GSE1: variants seen among roughly 807,000 people sequenced by gnomAD.
GSE1 encodes the protein genetic suppressor element 1.
In GSE1, 32 loss-of-function variants were observed where a neutral mutation model predicts 112.6. The observed-to-expected ratio is 0.28, with a 90% CI of 0.21 to 0.38. GSE1 has a LOEUF of 0.38. Among genes scored for constraint, GSE1 ranks in the 10% least tolerant of loss-of-function variants. The pLI is 1.00. For missense variants in GSE1, 2,348 were observed against 1,699.2 expected (o/e 1.38, Z -6.71); for synonymous variants, 1,115 against 735.6 (o/e 1.52, Z -8.35).
intron 8 of GSE1, chr16:85,659,474 T>C (rs1273799371): frequency 6.6e-6 from 1 of 152,270 alleles, no homozygotes; most frequent in Non-Finnish European, 1.5e-5. Flanking sequence ...TAGTGTACTA[T>C]ACCCACTAGG....
At chr16:85,382,233 C>G (rs913533025) in intron 2 of GSE1, among the ~76,000 whole-genome samples, 2 of 152,324 alleles carry the variant, frequency 1.3e-5, no homozygotes, top group South Asian at 4.1e-4. Context: ...GATCTCCCGT[C>G]CTGGTCATTC....
intron 2 of GSE1, among the ~76,000 whole-genome samples, chr16:85,392,946 A>G (rs2151649315): frequency 6.6e-6 from 1 of 152,334 alleles, no homozygotes; most frequent in Middle Eastern, 3.4e-3. Context: ...AATGTGGCTG[A>G]GGTTCCTCTC....
rs1018609419 is a variant in GSE1 at position 85,253,233 on chromosome 16, A to AC, written c.2283+81429dup. The stretch of plus-strand genomic sequence containing the variant: ...TGCCTCGCCGCCGGCGACTCACAGC[A>AC]CCCGCCTGGCTTGCTGGGTGCCCCT... On this transcript the variant is annotated intron_variant, in intron 1 of 2. Transcript: ENST00000637419. Among the ~76,000 whole-genome samples the AC allele has an allele frequency of 3.3e-5, 5 of 152,006 alleles. No homozygotes were observed. In the East Asian group the frequency reaches 9.7e-4, roughly 29 times the overall value.
At chr16:85,560,170 T>C (rs1313704422) in intron 1 of GSE1, among the ~76,000 whole-genome samples, 2 of 134,580 alleles carry the variant, frequency 1.5e-5, no homozygotes, top group African/African-American at 2.8e-5. Context: ...GGAGTCTCTC[T>C]CTCTTGCCAG....
chr16:85,246,389 A>ACACC (rs1905764371), intron 1 of GSE1, among the ~76,000 whole-genome samples: 2 of 101,440 alleles, frequency 2.0e-5, no homozygotes, highest in Admixed American at 1.1e-4. Context: ...CTACACACAC[A>ACACC]CCCCACACGC....
chr16:85,217,753 G>A (rs1410218820), intron 1 of GSE1, among the ~76,000 whole-genome samples: 1 of 152,036 alleles, frequency 6.6e-6, no homozygotes, highest in African/African-American at 2.4e-5. Flanking sequence ...CCCTCCTGTT[G>A]CCCACGTCAT....
intron 1 of GSE1, among the ~76,000 whole-genome samples, chr16:85,175,590 T>C (rs1015806228): frequency 1.3e-5 from 2 of 152,226 alleles, no homozygotes; most frequent in South Asian, 4.1e-4. Flanking sequence ...GAAGTGCTGC[T>C]GGCGCGACGC....
intron 2 of GSE1, among the ~76,000 whole-genome samples, chr16:85,448,366 G>C (rs1177730928): frequency 6.6e-6 from 1 of 152,176 alleles, no homozygotes; most frequent in Non-Finnish European, 1.5e-5. Flanking sequence ...TGTGCTCTTT[G>C]AGTGATGACC....
intron 9 of GSE1, 74 bp from the exon 10 acceptor site, chr16:85,662,907 T>C (rs2052548149): frequency 9.6e-7 from 1 of 1,046,120 alleles, no homozygotes; most frequent in Admixed American, 1.7e-5. Context: ...TCTGCACACA[T>C]GAGGCCCTGC....
chr16:85,371,262 G>T (rs954305052), intron 2 of GSE1, among the ~76,000 whole-genome samples: 9 of 152,352 alleles, frequency 5.9e-5, no homozygotes, highest in Middle Eastern at 3.4e-3. Flanking sequence ...GCCCCAAGTG[G>T]AAAGTGCTCC....
At chr16:85,463,111 T>C (rs2050020530) in intron 2 of GSE1, 1 of 985,070 alleles carries the variant, frequency 1.0e-6, no homozygotes, top group South Asian at 4.7e-5. Flanking sequence ...TGGTCGTCTC[T>C]GCTCCAGAAC....
At chr16:85,196,963 G>A (rs1463467022) in intron 1 of GSE1, among the ~76,000 whole-genome samples, 1 of 152,186 alleles carries the variant, frequency 6.6e-6, no homozygotes, top group Non-Finnish European at 1.5e-5. Context: ...GATGAGCACT[G>A]GCCAGGGAGT....
At chr16:85,516,689 C>T (rs1389158840) in intron 2 of GSE1, among the ~76,000 whole-genome samples, 1 of 151,964 alleles carries the variant, frequency 6.6e-6, no homozygotes, top group Admixed American at 6.6e-5. Context: ...TTCTAAGGCC[C>T]CCCTGCCATT....
At chr16:85,466,699 TATAG>T (rs1271746705) in intron 2 of GSE1, among the ~76,000 whole-genome samples, 3 of 121,188 alleles carry the variant, frequency 2.5e-5, no homozygotes, top group African/African-American at 1.3e-4. Flanking sequence ...AATATATATA[TATAG>T]AGAGAGAGAG....
At chr16:85,249,662 C>T (rs1464848654) in intron 1 of GSE1, among the ~76,000 whole-genome samples, 2 of 152,184 alleles carry the variant, frequency 1.3e-5, no homozygotes, top group Non-Finnish European at 2.9e-5. Context: ...TGCTCTGGGG[C>T]AGGCCTGGTC....
At chr16:85,197,079 T>G (rs891448507) in intron 1 of GSE1, among the ~76,000 whole-genome samples, 1 of 152,138 alleles carries the variant, frequency 6.6e-6, no homozygotes, top group African/African-American at 2.4e-5. Context: ...TGTGATTGAT[T>G]TATCGATCAG....
intron 2 of GSE1, among the ~76,000 whole-genome samples, chr16:85,364,824 A>C (rs1033382865): frequency 1.3e-5 from 2 of 152,182 alleles, no homozygotes; most frequent in African/African-American, 4.8e-5. Context: ...CCCCGGCAGA[A>C]GGGGCCGAGC....
chr16:85,565,908 C>T (rs1180153024), intron 1 of GSE1, among the ~76,000 whole-genome samples: 2 of 152,188 alleles, frequency 1.3e-5, no homozygotes, highest in Non-Finnish European at 2.9e-5. Context: ...CCTGTGGGTT[C>T]CAGGGCAGCA....
chr16:85,667,340 G>C (rs11862369), intron 13 of GSE1, among the ~76,000 whole-genome samples: 1 of 152,242 alleles, frequency 6.6e-6, no homozygotes, highest in African/African-American at 2.4e-5. Flanking sequence ...GCTGGTCTCA[G>C]GCCCCACCAG....
Sources: gnomAD v4.1 joint callset for allele counts (sites outside exome capture counted in the v4.1 genomes callset) on GRCh38, gnomAD v4.1.1 for gene constraint, MANE v1.5 for transcripts, NCBI Gene and HGNC (gene_info 2026-07-23, HGNC 2026-07-21) for gene names.